Variants in CD209 observed in about 807,000 individuals in gnomAD.
CD209 encodes the protein CD209 molecule, also known as CD209 antigen.
CD209 carries 31 observed loss-of-function variants against 44.7 expected under a neutral mutation model. The ratio of observed to expected loss-of-function variants is 0.69; its 90% CI spans 0.52 to 0.94. The LOEUF (loss-of-function observed/expected upper bound fraction) is 0.94. Ranked by LOEUF, CD209 falls within the 40% of genes least tolerant of loss-of-function variation. CD209 has a pLI of 0.00. For synonymous variants in CD209, 173 were observed against 181.3 expected (o/e 0.95, Z 0.37); for missense variants, 407 against 452.4 (o/e 0.90, Z 0.91).
rs779081808 is a variant in CD209, at chr19:7,747,290, G to A, written c.106+16C>T. On this transcript the variant is annotated intron_variant, in intron 2 of 6. Coordinates refer to ENST00000315599, the MANE Select transcript of CD209 (RefSeq NM_021155.4). ...AGTCTCTCGTCTCTCCTCCCAAACT[G>A]CTAAGTCCTCTCTACCTGCTAAGCT... 10 of 1,613,992 alleles carry A rather than the reference G, an allele frequency of 6.2e-6. No homozygotes were observed. The Admixed American group carries it at 8.3e-5, about 13-fold the overall frequency.
chr19:7,741,175 A>C lies in CD209; in HGVS notation c.*1864T>G. On this transcript the variant is annotated 3_prime_UTR_variant, in exon 7 of 7. Transcript: ENST00000315599. ...CTGTGAGGATGTGCTGCCCGAGTTCAAGAACGTGGGGAGAGACTGGGCGCG... is the reference window on the plus strand; with the variant it reads ...CTGTGAGGATGTGCTGCCCGAGTTCCAGAACGTGGGGAGAGACTGGGCGCG... 1 of 969,900 alleles carries C rather than the reference A, an allele frequency of 1.0e-6. No individual in the cohort carries two copies. The highest frequency in any genetic ancestry group is 1.5e-6 in the Non-Finnish European group (1 of 653,924). 60.1% of individuals were successfully genotyped at this position (969,900 alleles called of 1,614,324 possible).
Position 7,740,644 on chromosome 19 carries a change from A to G in CD209, c.*2395T>C. 1.3e-6 allele frequency: 1 copy of G among 781,738 alleles called. No homozygotes were observed. Among genetic ancestry groups the G allele is most frequent in the Non-Finnish European group, 2.4e-6 (1 of 421,560 alleles). 48.4% of individuals were successfully genotyped at this position (781,738 alleles called of 1,614,324 possible). On this transcript the variant is annotated 3_prime_UTR_variant, in exon 7 of 7. Transcript: ENST00000315599. ...CAACTAGAAAAGCTATGGGGAAGAG[A>G]GAGGCAAAGATTACATGAGGAGTGG...
intron 4 of CD209, 127 bp from the exon 5 acceptor site, chr19:7,745,219 C>G: frequency 7.7e-7 from 1 of 1,299,532 alleles, no homozygotes; most frequent in Middle Eastern, 2.3e-4. Context: ...GACCATTCCC[C>G]TCCCCACTTC....
At chr19:7,743,304 T>A (rs779368115) in intron 6 of CD209, 64 bp from the exon 7 acceptor site, 107 of 1,400,116 alleles carry the variant, frequency 7.6e-5, no homozygotes, top group Admixed American at 5.7e-4. Flanking sequence ...TGTTTCTACC[T>A]TCTGTCATCT....
In CD209 at chr19:7,745,653, C is replaced by A; in HGVS notation, c.613G>T (p.Glu205Ter). The A allele has an allele frequency of 1.6e-6, 1 of 626,956 alleles. No individual in the cohort carries two copies. Among genetic ancestry groups the A allele is most frequent in the South Asian group, 1.9e-5 (1 of 51,730 alleles). 38.8% of individuals were successfully genotyped at this position (626,956 alleles called of 1,614,324 possible). The change falls in exon 4 of 7, where the codon GAG becomes TAG. Residue 205 changes from glutamate to a stop codon, truncating the protein, a stop_gained. Coordinates refer to ENST00000315599, the MANE Select transcript of CD209 (RefSeq NM_021155.4). LOFTEE classifies it high-confidence loss of function. ...TGCTGCTTAGATTTCTCTGGAAGCT[C>A]ACCCACTGCAGCCTTCAGCCGGGTC... ...ELTRLKAAVGELPEKSKQQEI... is the reference protein window; with the variant it reads ...ELTRLKAAVG
At position 7,744,221 on chromosome 19, in the gene CD209, TGGA is replaced by T. The variant is rs1303099837; in HGVS notation, c.901-5_901-3del. 6.2e-7 allele frequency: 1 copy of T among 1,609,258 alleles called. No individual in the cohort carries two copies. Among genetic ancestry groups the T allele is most frequent in the East Asian group, 2.2e-5 (1 of 44,850 alleles). Reference sequence around the variant, plus strand: ...GGAAGACTGCAGCTGTAGGAAGTTCTGGAGGGTACAGGAGGAGTCAGGAGGGAG... The same window carrying T: ...GGAAGACTGCAGCTGTAGGAAGTTCTGGGTACAGGAGGAGTCAGGAGGGAG... On this transcript the variant is annotated splice_polypyrimidine_tract_variant and splice_region_variant and intron_variant, in intron 5 of 6. Coordinates refer to ENST00000315599, the MANE Select transcript of CD209 (RefSeq NM_021155.4).
intron 4 of CD209, 25 bp downstream of exon 4, chr19:7,745,493 A>G: frequency 6.2e-7 from 1 of 1,612,340 alleles, no homozygotes; most frequent in Non-Finnish European, 8.5e-7. Flanking sequence ...CTCAGGCCCA[A>G]GAAGCCCTGG....
chr19:7,745,260 C>T (rs1167142114), intron 4 of CD209, among the ~76,000 whole-genome samples, 168 bp from the exon 5 acceptor site: 3 of 152,182 alleles, frequency 2.0e-5, no homozygotes, highest in Non-Finnish European at 1.5e-5. Flanking sequence ...CATGAGAACC[C>T]AGGAGTCCTG....
At chr19:7,743,340 G>A in intron 6 of CD209, 100 bp from the exon 7 acceptor site, 1 of 1,022,518 alleles carries the variant, frequency 9.8e-7, no homozygotes, top group Non-Finnish European at 1.5e-6. Flanking sequence ...TGCCCTGCGT[G>A]TGTATGCTGG....
Position 7,740,682 on chromosome 19 carries a change from C to CAG in CD209, c.*2355_*2356dup. On this transcript the variant is annotated 3_prime_UTR_variant, in exon 7 of 7. Coordinates refer to ENST00000315599, the MANE Select transcript of CD209 (RefSeq NM_021155.4). ...ACATGAGGAGTGGTTGCTGAGAGAG[C>CAG]AGAAGGCACAAGAAGAATTCAGAAT... is the stretch of plus-strand genomic sequence containing the variant. 1.3e-6 allele frequency: 1 copy of CAG among 775,472 alleles called. No homozygotes were observed. Among genetic ancestry groups the CAG allele is most frequent in the Non-Finnish European group, 2.4e-6 (1 of 415,782 alleles). The allele number at this position is 775,472 out of a possible 1,614,324, so 48.0% of individuals were successfully genotyped here.
chr19:7,743,107 A>T lies in CD209; in HGVS notation c.1147T>A (p.Ser383Thr), dbSNP rs1305258256. The change falls in exon 7 of 7, where the codon TCC becomes ACC. Residue 383 changes from serine (S) to threonine (T), a missense_variant. Transcript: ENST00000315599. Reference protein sequence around the residue: ...KFWICKKSAASCSRDEEQFLS... With the variant: ...KFWICKKSAATCSRDEEQFLS... ...AACTGTTCTTCATCCCTGGAGCAGGAGGCTGCGGACTTTTTGCAGATCCAG... is the reference window on the plus strand; with the variant it reads ...AACTGTTCTTCATCCCTGGAGCAGGTGGCTGCGGACTTTTTGCAGATCCAG... The T allele has an allele frequency of 6.2e-7, 1 of 1,614,216 alleles. No homozygotes were observed. Among genetic ancestry groups the T allele is most frequent in the South Asian group, 1.1e-5 (1 of 91,088 alleles).
At chr19:7,745,384 G>A (rs746723980) in intron 4 of CD209, 134 bp downstream of exon 4, 45 of 1,513,536 alleles carry the variant, frequency 3.0e-5, no homozygotes, top group Non-Finnish European at 4.0e-5. Context: ...AACACTGAGG[G>A]CAATGATCAC....
Position 7,746,582 on chromosome 19 carries a change from C to T in CD209, c.107-51G>A, listed in dbSNP as rs762637062. The T allele has an allele frequency of 1.9e-6, 3 of 1,582,870 alleles. No homozygotes were observed. The African/African-American group carries it at 4.0e-5, about 21-fold the overall frequency. ...TGCCAGTGTCCCCACCGGAGCCTGGCCCAGGGAGAGCCTGGTCTAAATCCC... is the reference window on the plus strand; with the variant it reads ...TGCCAGTGTCCCCACCGGAGCCTGGTCCAGGGAGAGCCTGGTCTAAATCCC... On this transcript the variant is annotated intron_variant, in intron 2 of 6. Transcript: ENST00000315599.
rs537107314 is a variant in CD209 at position 7,746,533 on chromosome 19, T to C, written c.107-2A>G. The C allele has an allele frequency of 8.1e-6, 13 of 1,613,554 alleles. No individual in the cohort carries two copies. In the East Asian group the frequency reaches 2.7e-4, roughly 33 times the overall value. ...CCAGGGGACCATGGCCAAGACACCCTGAGAGAGGATACATGCGTCAGCCTG... is the reference window on the plus strand; with the variant it reads ...CCAGGGGACCATGGCCAAGACACCCCGAGAGAGGATACATGCGTCAGCCTG... On this transcript the variant is annotated splice_acceptor_variant, in intron 2 of 6. Coordinates refer to ENST00000315599, the MANE Select transcript of CD209 (RefSeq NM_021155.4). LOFTEE classifies it high-confidence loss of function.
chr19:7,741,151 T>G lies in CD209; in HGVS notation c.*1888A>C. ...AACCTACCAACAGTTCCTAGATTTC[T>G]GTGAGGATGTGCTGCCCGAGTTCAA... On this transcript the variant is annotated 3_prime_UTR_variant, in exon 7 of 7. Coordinates refer to ENST00000315599, the MANE Select transcript of CD209 (RefSeq NM_021155.4). The G allele has an allele frequency of 9.5e-7, 1 of 1,055,496 alleles. No homozygotes were observed. The highest frequency in any genetic ancestry group is 1.4e-6 in the Non-Finnish European group (1 of 724,854). 65.4% of individuals were successfully genotyped at this position (1,055,496 alleles called of 1,614,324 possible).
chr19:7,743,134 A>T lies in CD209; in HGVS notation c.1120T>A (p.Phe374Ile), dbSNP rs758960447. The T allele has an allele frequency of 6.2e-7, 1 of 1,614,170 alleles. No homozygotes were observed. The highest frequency in any genetic ancestry group is 1.3e-5 in the African/African-American group (1 of 75,020). Residue 374 changes from phenylalanine (F) to isoleucine (I), a missense_variant, in exon 7 of 7, where the codon TTC becomes ATC. Phe to Ile is a conservative substitution (Grantham distance 21, BLOSUM62 0). Around this residue, in one of 3 missense-constraint regions of CD209, gnomAD observed 200 missense variants for 202.2 expected, o/e 0.99. Transcript: ENST00000315599. ...GCTGCGGACTTTTTGCAGATCCAGA[A>T]TTTGGCAAGATTACATTTGTCGTCG... The part of the protein sequence containing the change: ...WNDDKCNLAK[F>I]WICKKSAASC...
rs749655694 is a variant in CD209 at position 7,743,186 on chromosome 19, G to A, written c.1068C>T (p.Cys356=). The A allele has an allele frequency of 1.2e-5, 19 of 1,613,974 alleles. No homozygotes were observed. Among genetic ancestry groups the A allele is most frequent in the Middle Eastern group, 1.6e-4 (1 of 6,082 alleles). The change falls in exon 7 of 7, where the codon TGC becomes TGT. Residue 356 remains cysteine (C), a synonymous_variant. Coordinates refer to ENST00000315599, the MANE Select transcript of CD209 (RefSeq NM_021155.4). ...GEPNNVGEED[C]AEFSGNGWND... ...TCCAGCCATTGCCACTAAATTCCGC[G>A]CAGTCTTCCTCCCCAACGTTGTTGG...
rs772221525 is a variant in CD209, at chr19:7,745,097, T to G, written c.749-5A>C. 1.9e-6 allele frequency: 3 copies of G among 1,614,202 alleles called. No individual in the cohort carries two copies. Among genetic ancestry groups the G allele is most frequent in the Non-Finnish European group, 1.7e-6 (2 of 1,180,030 alleles). The stretch of plus-strand genomic sequence containing the variant: ...GACAGGGGTGGCACAGGCGTTCTGT[T>G]GGGGGAGGCTGGTCAGGGCTGGGCT... On this transcript the variant is annotated splice_region_variant and splice_polypyrimidine_tract_variant and intron_variant, in intron 4 of 6. Transcript: ENST00000315599.
Position 7,740,838 on chromosome 19 carries a change from G to A in CD209, c.*2201C>T, listed in dbSNP as rs1336890963. On this transcript the variant is annotated 3_prime_UTR_variant, in exon 7 of 7. Transcript: ENST00000315599. ...GAAACGACAGAAGAAACAAAAACCGGAAGCTGTCCAGAAGATGCTGGATCA... is the reference window on the plus strand; with the variant it reads ...GAAACGACAGAAGAAACAAAAACCGAAAGCTGTCCAGAAGATGCTGGATCA... The A allele has an allele frequency of 1.2e-5, 9 of 756,604 alleles. No individual in the cohort carries two copies. Among genetic ancestry groups the A allele is most frequent in the African/African-American group, 3.5e-5 (2 of 57,698 alleles). 46.9% of individuals were successfully genotyped at this position (756,604 alleles called of 1,614,324 possible).
Sources: gnomAD v4.1 joint callset for allele counts (sites outside exome capture counted in the v4.1 genomes callset) on GRCh38, gnomAD v4.1.1 for gene constraint, gnomAD v4.1.1 regional missense constraint, MANE v1.5 for transcripts, NCBI Gene and HGNC (gene_info 2026-07-23, HGNC 2026-07-21) for gene names.